The following CYB5R2 variants were observed in gnomAD, a reference collection of about 807,000 sequenced individuals.
CYB5R2 encodes cytochrome b5 reductase 2.
A neutral mutation model predicts 29.8 loss-of-function variants in CYB5R2; 35 were observed. The ratio of observed to expected loss-of-function variants is 1.17; its 90% CI spans 0.90 to 1.56. CYB5R2 has a LOEUF of 1.56. CYB5R2 is among the 40% of genes most tolerant of loss of function. The probability of loss-of-function intolerance (pLI) is 0.00; values close to 1 mark genes in which losing one functional copy is unlikely to be tolerated. For missense variants in CYB5R2, 419 were observed against 346.7 expected (o/e 1.21, Z -1.66); for synonymous variants, 169 against 130.6 (o/e 1.29, Z -2.01).
chr11:7,673,603 G>A (rs968396939), upstream of CYB5R2: 44 of 985,388 alleles, frequency 4.5e-5, no homozygotes, highest in Non-Finnish European at 1.3e-5. Context: ...CCTCCCGGTC[G>A]GACGTTCGTT....
At chr11:7,669,860 G>A (rs554586942) in intron 3 of CYB5R2, 129 bp from the exon 4 acceptor site, 2 of 730,894 alleles carry the variant, frequency 2.7e-6, no homozygotes, top group Admixed American at 2.3e-5. Flanking sequence ...GGGAAGAAGA[G>A]AGCAGGGAAG....
chr11:7,666,396 A>C (rs1047371781), intron 8 of CYB5R2, 55 bp downstream of exon 8: 7 of 1,136,748 alleles, frequency 6.2e-6, no homozygotes, highest in African/African-American at 1.5e-5. Context: ...CCAGTCCTCA[A>C]AGTGGTCAAG....
chr11:7,667,159 TAATCTA>T (rs1468736437), intron 7 of CYB5R2: 3 of 151,152 alleles, frequency 2.0e-5, no homozygotes, highest in Admixed American at 6.6e-5. Context: ...TTTTAGAAAA[TAATCTA>T]AAAGTAATCA....
At chr11:7,673,792 C>G (rs909621220), upstream of CYB5R2, 2 of 987,840 alleles carry the variant, frequency 2.0e-6, no homozygotes, top group African/African-American at 1.7e-5. Context: ...CCCGCAGACT[C>G]GTGGCGTCGC....
At chr11:7,665,103 C>G (rs752226535), downstream of CYB5R2, 4 of 281,778 alleles carry the variant, frequency 1.4e-5, no homozygotes, top group Non-Finnish European at 2.7e-5. Flanking sequence ...CATGGGCTGT[C>G]TGCTTTGTAC....
At chr11:7,672,622 G>GCACACACATA in intron 2 of CYB5R2, 99 bp from the exon 3 acceptor site, 2 of 1,236,670 alleles carry the variant, frequency 1.6e-6, no homozygotes, top group Non-Finnish European at 2.3e-6. Context: ...CGCTATTCCA[G>GCACACACATA]CACACACACA....
intron 7 of CYB5R2, chr11:7,666,848 C>CTTTCTT: frequency 7.2e-6 from 2 of 277,726 alleles, no homozygotes; most frequent in Non-Finnish European, 1.4e-5. Context: ...AGGATGGCTT[C>CTTTCTT]ACTCGGAGCT....
intron 8 of CYB5R2, chr11:7,666,122 T>TC (rs1855178703): frequency 3.3e-6 from 2 of 615,328 alleles, no homozygotes; most frequent in Admixed American, 2.7e-5. Context: ...GGTGAAGGGG[T>TC]CAGTGCCCAT....
In CYB5R2 at chr11:7,666,554, G is replaced by C. The variant is rs1855246734; in HGVS notation, c.559-4C>G. 1 of 1,609,918 alleles carries C rather than the reference G, an allele frequency of 6.2e-7. No individual in the cohort carries two copies. Among genetic ancestry groups the C allele is most frequent in the Non-Finnish European group, 8.5e-7 (1 of 1,176,502 alleles). On this transcript the variant is annotated splice_region_variant and splice_polypyrimidine_tract_variant and intron_variant, in intron 7 of 8. Coordinates refer to ENST00000299498, the MANE Select transcript of CYB5R2 (RefSeq NM_016229.5). ...TGACCAAGATATCCTCCTCTGTCTAGAAAAGAAGCAACACTGAAAAAGCCC... is the reference window on the plus strand; with the variant it reads ...TGACCAAGATATCCTCCTCTGTCTACAAAAGAAGCAACACTGAAAAAGCCC...
At chr11:7,668,860 G>A (rs1855534943) in intron 5 of CYB5R2, 1 of 576,468 alleles carries the variant, frequency 1.7e-6, no homozygotes, top group African/African-American at 1.9e-5. Context: ...TCACGGAGGT[G>A]AACCAGTGAG....
chr11:7,673,518 G>A, upstream of CYB5R2: 2 of 985,870 alleles, frequency 2.0e-6, no homozygotes, highest in African/African-American at 1.7e-5. Flanking sequence ...CGGAATCCGA[G>A]CCGGCCCGCC....
chr11:7,665,503 C>T lies in CYB5R2; in HGVS notation c.702G>A (p.Lys234=), dbSNP rs372820097. 504 of 1,613,620 alleles carry T rather than the reference C, an allele frequency of 3.1e-4. 9 individuals are homozygous for T. The South Asian group carries it at 5.1e-3, about 16-fold the overall frequency. The change falls in exon 9 of 9, where the codon AAG becomes AAA. Residue 234 remains lysine, a synonymous_variant. Transcript: ENST00000299498. ...ACTTCGCTGGAGGAGGAAGGTGCTCCTTGATCATGTCGGCAGTAACGAAGC... is the reference window on the plus strand; with the variant it reads ...ACTTCGCTGGAGGAGGAAGGTGCTCTTTGATCATGTCGGCAGTAACGAAGC... ...SSGFVTADMI[K]EHLPPPAKST...
rs61683338 is a variant in CYB5R2, at chr11:7,665,627, C to G, written c.659-81G>C. 169,596 of 1,423,626 alleles carry G rather than the reference C, an allele frequency of 0.12. 14,216 individuals are homozygous for G. The highest frequency in any genetic ancestry group is 0.53 in the East Asian group (22,145 of 41,800). 88.2% of individuals were successfully genotyped at this position (1,423,626 alleles called of 1,614,324 possible). On this transcript the variant is annotated intron_variant, in intron 8 of 8. Coordinates refer to ENST00000299498, the MANE Select transcript of CYB5R2 (RefSeq NM_016229.5). ...CCCAGGCCGCCTGCACACCCACCCTCAGCCAGGGAGGAGGTGACAAGCTGC... is the reference window on the plus strand; with the variant it reads ...CCCAGGCCGCCTGCACACCCACCCTGAGCCAGGGAGGAGGTGACAAGCTGC...
rs543417686 is a variant in CYB5R2 at position 7,665,897 on chromosome 11, G to A, written c.659-351C>T. On this transcript the variant is annotated intron_variant, in intron 8 of 8. Transcript: ENST00000299498. ...TGTGGCCTGGTGTTAGTGGAACTGC[G>A]CAGAATTGCTCAGTAGGGTAGCGCC... 4.4e-4 allele frequency: 674 copies of A among 1,536,144 alleles called. 10 individuals are homozygous for A. The South Asian group carries it at 6.7e-3, about 15-fold the overall frequency.
intron 5 of CYB5R2, 49 bp from the exon 6 acceptor site, chr11:7,668,610 G>A (rs749897103): frequency 7.1e-7 from 1 of 1,407,558 alleles, no homozygotes; most frequent in Non-Finnish European, 1.0e-6. Flanking sequence ...TGCCTAAAGA[G>A]ACTGCAAAAG....
intron 8 of CYB5R2, 95 bp downstream of exon 8, chr11:7,666,356 C>A: frequency 1.2e-6 from 1 of 829,186 alleles, no homozygotes. Flanking sequence ...TCTGGTCCTA[C>A]AAAACTAAAA....
chr11:7,670,559 A>T (rs899737305), intron 3 of CYB5R2: 1 of 152,204 alleles, frequency 6.6e-6, no homozygotes, highest in Non-Finnish European at 1.5e-5. Context: ...CCATGGAGCA[A>T]ATGAAACAAC....
At chr11:7,669,918 GTGCTACCCTAGGCAAGTCAC>G in intron 3 of CYB5R2, 187 bp from the exon 4 acceptor site, 1 of 591,834 alleles carries the variant, frequency 1.7e-6, no homozygotes, top group East Asian at 2.9e-5. Context: ...CTGCCTCCCT[GTGCTACCCTAGGCAAGTCAC>G]TTCACCTCTC....
In CYB5R2 at chr11:7,673,472, C is replaced by T. The variant is rs1352345520; in HGVS notation, c.-120G>A. 1 of 986,408 alleles carries T rather than the reference C, an allele frequency of 1.0e-6. No individual in the cohort carries two copies. The highest frequency in any genetic ancestry group is 4.7e-5 in the South Asian group (1 of 21,328). The allele number at this position is 986,408 out of a possible 1,614,324, so 61.1% of individuals were successfully genotyped here. ...ACTCAAGCCCGACAGGGAAAGTTGCCTCTCCTCCCGCCGGGTCACTGGAGT... is the reference window on the plus strand; with the variant it reads ...ACTCAAGCCCGACAGGGAAAGTTGCTTCTCCTCCCGCCGGGTCACTGGAGT... On this transcript the variant is annotated 5_prime_UTR_variant, in exon 1 of 9. Coordinates refer to ENST00000299498, the MANE Select transcript of CYB5R2 (RefSeq NM_016229.5).
Sources: gnomAD v4.1 joint callset for allele counts on GRCh38, gnomAD v4.1.1 for gene constraint, MANE v1.5 for transcripts, NCBI Gene and HGNC (gene_info 2026-07-23, HGNC 2026-07-21) for gene names.